Variants in PCDHB7 observed in about 807,000 individuals in gnomAD.
PCDHB7 encodes the protein protocadherin beta-7.
For synonymous variants in PCDHB7, 542 were observed against 463.1 expected, an observed-to-expected ratio of 1.17 and a Z score of -2.19; for missense variants, 1,148 against 1,011.6, an observed-to-expected ratio of 1.13 and a Z score of -1.83.
chr5:141,172,695 A>G lies in PCDHB7; in HGVS notation c.-141A>G. 1 of 654,890 alleles carries G rather than the reference A, an allele frequency of 1.5e-6. No individual in the cohort carries two copies. The allele number at this position is 654,890 out of a possible 1,614,324, so 40.6% of individuals were successfully genotyped here. A position where few individuals can be genotyped will look rare whatever the true frequency, so the allele number is the denominator to read the frequency against. Reference sequence around the variant, plus strand: ...AAGCATAGGAAAGGAAACAGTGGTAATAGGAATTGGGGTAAAATGAGGATC... The same window carrying G: ...AAGCATAGGAAAGGAAACAGTGGTAGTAGGAATTGGGGTAAAATGAGGATC... On this transcript the variant is annotated 5_prime_UTR_variant, in exon 1 of 1. Coordinates refer to ENST00000231137, the MANE Select transcript of PCDHB7 (RefSeq NM_018940.4).
Position 141,174,020 on chromosome 5 carries a change from A to C in PCDHB7, c.1185A>C (p.Pro395=), listed in dbSNP as rs1753291615. 1 of 1,614,202 alleles carries C rather than the reference A, an allele frequency of 6.2e-7. No homozygotes were observed. Among genetic ancestry groups the C allele is most frequent in the Non-Finnish European group, 8.5e-7 (1 of 1,180,028 alleles). The change falls in exon 1 of 1, where the codon CCA becomes CCC. Residue 395 remains proline, a synonymous_variant. Coordinates refer to ENST00000231137, the MANE Select transcript of PCDHB7 (RefSeq NM_018940.4). ...IQDDVPFILK[P]SVENFYTLVT... Reference sequence around the variant, plus strand: ...ACGATGTCCCCTTCATCCTGAAGCCATCTGTCGAAAACTTCTATACTCTGG... The same window carrying C: ...ACGATGTCCCCTTCATCCTGAAGCCCTCTGTCGAAAACTTCTATACTCTGG...
rs1182707405 is a variant in PCDHB7, at chr5:141,174,207, C to A, written c.1372C>A (p.Leu458Met). 18 of 1,613,320 alleles carry A rather than the reference C, an allele frequency of 1.1e-5. No homozygotes were observed. Among genetic ancestry groups the A allele is most frequent in the Non-Finnish European group, 1.5e-5 (18 of 1,180,060 alleles). Reference protein sequence around the residue: ...APAFTQTSYTLFVRENNSPAL... With the variant: ...APAFTQTSYTMFVRENNSPAL... ...CGCCTTCACCCAAACCTCCTACACC[C>A]TGTTTGTCCGTGAGAACAACAGCCC... Residue 458 changes from leucine (L) to methionine (M), a missense_variant, in exon 1 of 1, where the codon CTG becomes ATG. Physicochemically the swap from Leu to Met is conservative, Grantham distance 15. Coordinates refer to ENST00000231137, the MANE Select transcript of PCDHB7 (RefSeq NM_018940.4).
In PCDHB7 at chr5:141,175,490, C is replaced by T. The variant is rs1196342417; in HGVS notation, c.*273C>T. 8.4e-6 allele frequency: 4 copies of T among 475,460 alleles called. No homozygotes were observed. The highest frequency in any genetic ancestry group is 8.4e-5 in the African/African-American group (4 of 47,744). The allele number at this position is 475,460 out of a possible 1,614,324, so 29.5% of individuals were successfully genotyped here. On this transcript the variant is annotated 3_prime_UTR_variant, in exon 1 of 1. Coordinates refer to ENST00000231137, the MANE Select transcript of PCDHB7 (RefSeq NM_018940.4). The stretch of plus-strand genomic sequence containing the variant: ...TGTTTGAGATATTTTAAATTGCTTT[C>T]CATTGTTTTCAATCTCTACTGAGAC...
rs782005110 is a variant in PCDHB7, at chr5:141,173,985, T to C, written c.1150T>C (p.Ser384Pro). The change falls in exon 1 of 1, where the codon TCC becomes CCC. Residue 384 changes from serine to proline, a missense_variant. Physicochemically the swap from Ser to Pro is moderately conservative, Grantham distance 74. Coordinates refer to ENST00000231137, the MANE Select transcript of PCDHB7 (RefSeq NM_018940.4). ...CGGGAACAATGGAAAGACAGTGTGC[T>C]CCATCCAGGACGATGTCCCCTTCAT... ...DSGNNGKTVC[S>P]IQDDVPFILK... The C allele has an allele frequency of 6.2e-7, 1 of 1,614,088 alleles. No homozygotes were observed. The highest frequency in any genetic ancestry group is 8.5e-7 in the Non-Finnish European group (1 of 1,180,020).
At position 141,174,081 on chromosome 5, in the gene PCDHB7, G is replaced by C; in HGVS notation, c.1246G>C (p.Glu416Gln). 6.2e-7 allele frequency: 1 copy of C among 1,614,156 alleles called. No homozygotes were observed. The highest frequency in any genetic ancestry group is 1.1e-5 in the South Asian group (1 of 91,074). The change falls in exon 1 of 1, where the codon GAG becomes CAG. Residue 416 changes from glutamate to glutamine, a missense_variant. Physicochemically the swap from Glu to Gln is conservative, Grantham distance 29. Transcript: ENST00000231137. ...ACCTTTGGATCGAGAGAGGAACACTGAGTACAACATCACCATCACCGTCAC... is the reference window on the plus strand; with the variant it reads ...ACCTTTGGATCGAGAGAGGAACACTCAGTACAACATCACCATCACCGTCAC... ...EKPLDRERNT[E>Q]YNITITVTDL... is the part of the protein sequence containing the mutation.
chr5:141,174,267 A>T lies in PCDHB7; in HGVS notation c.1432A>T (p.Arg478Ter), dbSNP rs782428202. 1 of 1,612,596 alleles carries T rather than the reference A, an allele frequency of 6.2e-7. No individual in the cohort carries two copies. Among genetic ancestry groups the T allele is most frequent in the Non-Finnish European group, 8.5e-7 (1 of 1,179,568 alleles). ...LPIGSVSATD[R>*]DSGTNAQVIY... The stretch of plus-strand genomic sequence containing the variant: ...CATCGGCAGTGTCAGCGCCACAGAC[A>T]GAGACTCGGGCACCAACGCCCAGGT... The change falls in exon 1 of 1, where the codon AGA (arginine) becomes TGA (stop). Residue 478 changes from arginine (R) to a stop codon, truncating the protein, a stop_gained. Coordinates refer to ENST00000231137, the MANE Select transcript of PCDHB7 (RefSeq NM_018940.4). LOFTEE classifies it low-confidence loss of function (END_TRUNC).
In PCDHB7 at chr5:141,173,748, G is replaced by A. The variant is rs782162956; in HGVS notation, c.913G>A (p.Ala305Thr). 6.2e-7 allele frequency: 1 copy of A among 1,613,958 alleles called. No homozygotes were observed. The highest frequency in any genetic ancestry group is 8.5e-7 in the Non-Finnish European group (1 of 1,179,912). The part of the protein sequence containing the change: ...NPTSGSLHLK[A>T]QLDYEAIQTY... ...AACATCTGGCAGTCTTCATCTTAAA[G>A]CGCAATTGGACTATGAGGCAATTCA... Residue 305 changes from alanine (A) to threonine (T), a missense_variant, in exon 1 of 1, where the codon GCG becomes ACG. Coordinates refer to ENST00000231137, the MANE Select transcript of PCDHB7 (RefSeq NM_018940.4).
In PCDHB7 at chr5:141,174,311, G is replaced by A. The variant is rs782340324; in HGVS notation, c.1476G>A (p.Pro492=). The change falls in exon 1 of 1, where the codon CCG becomes CCA. Residue 492 remains proline (P), a synonymous_variant. Coordinates refer to ENST00000231137, the MANE Select transcript of PCDHB7 (RefSeq NM_018940.4). ...CCCAGGTCATCTACTCCCTGCTGCC[G>A]TCCCAGGACCCGCACCTGCCCCTCG... ...TNAQVIYSLL[P]SQDPHLPLAS... is the part of the protein sequence containing the mutation. 13 of 1,612,492 alleles carry A rather than the reference G, an allele frequency of 8.1e-6. No homozygotes were observed. Among genetic ancestry groups the A allele is most frequent in the Admixed American group, 6.7e-5 (4 of 59,966 alleles).
Position 141,174,258 on chromosome 5 carries a change from G to A in PCDHB7, c.1423G>A (p.Ala475Thr). 2 of 1,612,566 alleles carry A rather than the reference G, an allele frequency of 1.2e-6. No homozygotes were observed. The highest frequency in any genetic ancestry group is 1.1e-5 in the South Asian group (1 of 91,018). ...CGCCCTGCCCATCGGCAGTGTCAGC[G>A]CCACAGACAGAGACTCGGGCACCAA... ...SPALPIGSVS[A>T]TDRDSGTNAQ... The change falls in exon 1 of 1, where the codon GCC becomes ACC. Residue 475 changes from alanine to threonine, a missense_variant. Transcript: ENST00000231137.
At position 141,175,159 on chromosome 5, in the gene PCDHB7, A is replaced by C; in HGVS notation, c.2324A>C (p.Gln775Pro). The C allele has an allele frequency of 6.2e-7, 1 of 1,614,016 alleles. No individual in the cohort carries two copies. The highest frequency in any genetic ancestry group is 8.5e-7 in the Non-Finnish European group (1 of 1,179,890). The change falls in exon 1 of 1, where the codon CAG becomes CCG. Residue 775 changes from glutamine (Q) to proline (P), a missense_variant. Transcript: ENST00000231137. ...CCAATTATCCCCAACCTGCTACCCC[A>C]GAGCACAGGCAGGGAAGTGGAAGAA... ...LKPIIPNLLP[Q>P]STGREVEENR...
rs781835491 is a variant in PCDHB7, at chr5:141,173,059, T to C, written c.224T>C (p.Leu75Ser). 6.2e-7 allele frequency: 1 copy of C among 1,614,204 alleles called. No homozygotes were observed. The highest frequency in any genetic ancestry group is 8.5e-7 in the Non-Finnish European group (1 of 1,180,034). Residue 75 changes from leucine (L) to serine (S), a missense_variant, in exon 1 of 1, where the codon TTA (leucine) becomes TCA (serine). Leu to Ser is a moderately radical substitution (Grantham distance 145, BLOSUM62 -2). Transcript: ENST00000231137. ...GTTTCAGACCAGAACATGCAAATTT[T>C]ACTGCTCAGTTCGCTTACTGGTGAT... ...RIVSDQNMQI[L>S]LLSSLTGDLL...
rs1166270036 is a variant in PCDHB7, at chr5:141,176,190, T to A, written c.*973T>A. On this transcript the variant is annotated 3_prime_UTR_variant, in exon 1 of 1. Transcript: ENST00000231137. ...ATTGTAGATTTTCTGCAGTCACCCA[T>A]ACTTAACATTTGTAATACATTTTCC... 7 of 167,176 alleles carry A rather than the reference T, an allele frequency of 4.2e-5. No individual in the cohort carries two copies. The highest frequency in any genetic ancestry group is 1.0e-4 in the Non-Finnish European group (7 of 68,138). The allele number at this position is 167,176 out of a possible 1,614,324, so 10.4% of individuals were successfully genotyped here.
rs539087999 is a variant in PCDHB7, at chr5:141,173,163, T to C, written c.328T>C (p.Leu110=). The C allele has an allele frequency of 1.9e-5, 30 of 1,613,842 alleles. No individual in the cohort carries two copies. The East Asian group carries it at 5.1e-4, about 28-fold the overall frequency. The stretch of plus-strand genomic sequence containing the variant: ...CTGTGTGCTGCCTTTCCAGTTGTTA[T>C]TGGAAAAACCTTTTCAGATTTTCCG... ...EPCVLPFQLL[L]EKPFQIFRAE... The change falls in exon 1 of 1, where the codon TTG becomes CTG. Residue 110 remains leucine (L), a synonymous_variant. Transcript: ENST00000231137.
chr5:141,175,674 T>G lies in PCDHB7; in HGVS notation c.*457T>G, dbSNP rs1753364595. ...AGAAGAAGCATATGAGGCATGGTAT[T>G]TTAGGAATGAACAAATAGATGGTCT... On this transcript the variant is annotated 3_prime_UTR_variant, in exon 1 of 1. Coordinates refer to ENST00000231137, the MANE Select transcript of PCDHB7 (RefSeq NM_018940.4). 5.5e-6 allele frequency: 1 copy of G among 182,228 alleles called. No individual in the cohort carries two copies. Among genetic ancestry groups the G allele is most frequent in the Non-Finnish European group, 1.3e-5 (1 of 78,546 alleles). 11.3% of individuals were successfully genotyped at this position (182,228 alleles called of 1,614,324 possible). A position where few individuals can be genotyped will look rare whatever the true frequency, so the allele number is the denominator to read the frequency against.
rs782160098 is a variant in PCDHB7 at position 141,173,840 on chromosome 5, T to C, written c.1005T>C (p.Val335=). 1.2e-6 allele frequency: 2 copies of C among 1,614,170 alleles called. No individual in the cohort carries two copies. The highest frequency in any genetic ancestry group is 1.1e-5 in the South Asian group (1 of 91,084). The change falls in exon 1 of 1, where the codon GTT becomes GTC. Residue 335 remains valine (V), a synonymous_variant. Coordinates refer to ENST00000231137, the MANE Select transcript of PCDHB7 (RefSeq NM_018940.4). ...TTTCTGGAAAATGCACTGTAGTGGTTGATGTAACAGATATAAACGATAATC... is the reference window on the plus strand; with the variant it reads ...TTTCTGGAAAATGCACTGTAGTGGTCGATGTAACAGATATAAACGATAATC... The part of the protein sequence containing the change: ...GGLSGKCTVV[V]DVTDINDNRP...
At position 141,172,920 on chromosome 5, in the gene PCDHB7, G is replaced by C; in HGVS notation, c.85G>C (p.Glu29Gln). 6.2e-7 allele frequency: 1 copy of C among 1,614,182 alleles called. No homozygotes were observed. The highest frequency in any genetic ancestry group is 8.5e-7 in the Non-Finnish European group (1 of 1,180,036). ...VFLGMSWAGA[E>Q]PLRYFVAEET... ...TCTGGGAATGTCTTGGGCTGGCGCCGAACCGCTTCGGTATTTTGTGGCGGA... is the reference window on the plus strand; with the variant it reads ...TCTGGGAATGTCTTGGGCTGGCGCCCAACCGCTTCGGTATTTTGTGGCGGA... The change falls in exon 1 of 1, where the codon GAA (glutamate) becomes CAA (glutamine). Residue 29 changes from glutamate to glutamine, a missense_variant. Physicochemically the swap from Glu to Gln is conservative, Grantham distance 29. Transcript: ENST00000231137.
Position 141,175,483 on chromosome 5 carries a change from T to A in PCDHB7, c.*266T>A. The A allele has an allele frequency of 2.1e-6, 1 of 486,774 alleles. No individual in the cohort carries two copies. Among genetic ancestry groups the A allele is most frequent in the Non-Finnish European group, 3.5e-6 (1 of 285,136 alleles). 30.2% of individuals were successfully genotyped at this position (486,774 alleles called of 1,614,324 possible). ...TAAGTCTTGTTTGAGATATTTTAAA[T>A]TGCTTTCCATTGTTTTCAATCTCTA... On this transcript the variant is annotated 3_prime_UTR_variant, in exon 1 of 1. Transcript: ENST00000231137.
Position 141,174,040 on chromosome 5 carries a change from C to T in PCDHB7, c.1205C>T (p.Thr402Ile), listed in dbSNP as rs782166603. ...ILKPSVENFY[T>I]LVTEKPLDRE... ...AAGCCATCTGTCGAAAACTTCTATA[C>T]TCTGGTAACAGAGAAACCTTTGGAT... is the stretch of plus-strand genomic sequence containing the variant. The change falls in exon 1 of 1, where the codon ACT (threonine) becomes ATT (isoleucine). Residue 402 changes from threonine (T) to isoleucine (I), a missense_variant. Transcript: ENST00000231137. 10 of 1,614,078 alleles carry T rather than the reference C, an allele frequency of 6.2e-6. No individual in the cohort carries two copies. In the East Asian group the frequency reaches 2.0e-4, roughly 32 times the overall value.
Position 141,174,142 on chromosome 5 carries a change from A to G in PCDHB7, c.1307A>G (p.Asn436Ser). Residue 436 changes from asparagine to serine, a missense_variant, in exon 1 of 1, where the codon AAC (asparagine) becomes AGC (serine). By Grantham distance (46) the Asn-to-Ser change is conservative. Transcript: ENST00000231137. The part of the protein sequence containing the change: ...LGTPRLKTEH[N>S]ITVLVSDVND... ...ACACCCAGGCTGAAAACCGAGCACA[A>G]CATAACCGTGCTGGTCTCCGACGTC... 6.2e-7 allele frequency: 1 copy of G among 1,614,006 alleles called. No homozygotes were observed. Among genetic ancestry groups the G allele is most frequent in the African/African-American group, 1.3e-5 (1 of 75,038 alleles).
Sources: gnomAD v4.1 joint callset for allele counts on GRCh38, gnomAD v4.1.1 for gene constraint, MANE v1.5 for transcripts, NCBI Gene and HGNC (gene_info 2026-07-23, HGNC 2026-07-21) for gene names.